Variants in COL4A6 observed in about 807,000 individuals in gnomAD.
COL4A6 encodes collagen type IV alpha 6 chain.
A neutral mutation model predicts 126.7 loss-of-function variants in COL4A6; 59 were observed. The observed-to-expected ratio is 0.47, with a 90% CI of 0.38 to 0.58. COL4A6 has a LOEUF of 0.58. COL4A6 is among the 20% of genes least tolerant of loss of function. COL4A6 has a pLI of 0.00. For missense variants in COL4A6, 1,285 were observed against 1,337.3 expected (o/e 0.96, Z 0.61); for synonymous variants, 547 against 496.6 (o/e 1.10, Z -1.35).
At chrX:108,275,238 C>T (rs1393531757) in intron 3 of COL4A6, among the ~76,000 whole-genome samples, 1 of 111,437 alleles carries the variant, frequency 9.0e-6, no homozygotes, top group Non-Finnish European at 1.9e-5. Flanking sequence ...AAGGAAGAAC[C>T]TTCTATTGCT....
chrX:108,285,803 T>C (rs2037989811), intron 3 of COL4A6, among the ~76,000 whole-genome samples: 1 of 111,908 alleles, frequency 8.9e-6, no homozygotes, highest in Admixed American at 9.5e-5. Flanking sequence ...TGAAAAGCTG[T>C]TAAAAAGGAC....
chrX:108,187,031 G>T, intron 23 of COL4A6, 65 bp downstream of exon 23: 1 of 922,785 alleles, frequency 1.1e-6, no homozygotes, highest in Non-Finnish European at 1.4e-6. Flanking sequence ...TCATGCACCT[G>T]AGTCATAACC....
Position 108,312,929 on chromosome X carries a change from G to GA in COL4A6, c.64-2102dup, listed in dbSNP as rs376518602. ...AAGCAAGGGAACTGGATAAGACAGG[G>GA]AAAAAAAAAACAATAGCAGGAGCTG... On this transcript the variant is annotated intron_variant, in intron 2 of 44. Transcript: ENST00000334504. Among the ~76,000 whole-genome samples the GA allele has an allele frequency of 2.9e-3, 311 of 105,669 alleles. 1 individual carries two copies. Among genetic ancestry groups the GA allele is most frequent in the African/African-American group, 9.0e-3 (262 of 29,211 alleles). 91.8% of individuals were successfully genotyped at this position (105,669 alleles called of 115,157 possible).
At chrX:108,250,417 CA>C (rs2036822896) in intron 3 of COL4A6, among the ~76,000 whole-genome samples, 1 of 110,840 alleles carries the variant, frequency 9.0e-6, no homozygotes, top group Non-Finnish European at 1.9e-5. Flanking sequence ...TCCTCTTGGC[CA>C]AAGTCTATGA....
intron 13 of COL4A6, 114 bp downstream of exon 13, chrX:108,202,813 AT>A (rs906834511): frequency 1.7e-6 from 1 of 585,258 alleles, no homozygotes; most frequent in African/African-American, 2.3e-5. Flanking sequence ...AATAATAAAG[AT>A]GGTGGCATTC....
At chrX:108,428,143 C>G (rs1351251189) in intron 2 of COL4A6, among the ~76,000 whole-genome samples, 1 of 108,994 alleles carries the variant, frequency 9.2e-6, no homozygotes, top group Admixed American at 9.8e-5. Flanking sequence ...AAATAAAATA[C>G]AGTAATACTA....
At chrX:108,389,639 G>T (rs1239573197) in intron 2 of COL4A6, among the ~76,000 whole-genome samples, 1 of 110,590 alleles carries the variant, frequency 9.0e-6, no homozygotes, top group Non-Finnish European at 1.9e-5. Context: ...TGTGTGATGG[G>T]TCTCCTGAAT....
At chrX:108,363,353 A>G (rs1036702900) in intron 2 of COL4A6, among the ~76,000 whole-genome samples, 1 of 112,124 alleles carries the variant, frequency 8.9e-6, no homozygotes, top group Admixed American at 9.5e-5. Context: ...TCAAAAGTTG[A>G]GTCAGTAAAT....
chrX:108,245,654 G>A (rs2036700452), intron 3 of COL4A6, among the ~76,000 whole-genome samples: 1 of 111,447 alleles, frequency 9.0e-6, no homozygotes, highest in Non-Finnish European at 1.9e-5. Flanking sequence ...ATATGCAGGT[G>A]GCAGCAGTGA....
At chrX:108,368,860 C>T (rs746310307) in intron 2 of COL4A6, among the ~76,000 whole-genome samples, 8 of 111,291 alleles carry the variant, frequency 7.2e-5, no homozygotes, top group South Asian at 7.6e-4. Flanking sequence ...ACATCTCATC[C>T]TAGTGGGTGT....
chrX:108,156,827 A>G lies in COL4A6; in HGVS notation c.*173T>C, dbSNP rs1223842652. ...ATCTCAGCAGGGTGGGCTCATCTCT[A>G]TGGACCCGAGGGCTGGGGTGACGAG... On this transcript the variant is annotated 3_prime_UTR_variant, in exon 45 of 45. Coordinates refer to ENST00000334504, the MANE Select transcript of COL4A6 (RefSeq NM_033641.4). 41 of 502,471 alleles carry G rather than the reference A, an allele frequency of 8.2e-5. No homozygotes were observed. The highest frequency in any genetic ancestry group is 1.3e-4 in the Non-Finnish European group (37 of 291,287). The allele number at this position is 502,471 out of a possible 1,213,427, so 41.4% of individuals were successfully genotyped here. A position where few individuals can be genotyped will look rare whatever the true frequency, so the allele number is the denominator to read the frequency against.
chrX:108,262,659 T>C (rs1380640926), intron 3 of COL4A6, among the ~76,000 whole-genome samples: 2 of 111,566 alleles, frequency 1.8e-5, no homozygotes, highest in Admixed American at 9.5e-5. Context: ...ACACGACTAA[T>C]GTGAGGCAAA....
chrX:108,438,243 T>C lies in COL4A6; in HGVS notation c.-47A>G. On this transcript the variant is annotated 5_prime_UTR_variant, in exon 1 of 45. Coordinates refer to ENST00000334504, the MANE Select transcript of COL4A6 (RefSeq NM_033641.4). ...GGGTCCCGGGAGACTGCTAAGCGGC[T>C]CCGCGGCCCGTGCTCATCTGGGCTC... The C allele has an allele frequency of 8.6e-7, 1 of 1,163,704 alleles. No individual in the cohort carries two copies. The highest frequency in any genetic ancestry group is 1.1e-6 in the Non-Finnish European group (1 of 875,060).
chrX:108,341,583 C>T (rs1477723775), intron 2 of COL4A6, among the ~76,000 whole-genome samples: 1 of 110,908 alleles, frequency 9.0e-6, no homozygotes, highest in Non-Finnish European at 1.9e-5. Context: ...TTCCCCAGCC[C>T]CATGGAACTA....
intron 2 of COL4A6, among the ~76,000 whole-genome samples, chrX:108,389,397 C>T (rs940945478): frequency 3.6e-5 from 4 of 111,811 alleles, no homozygotes; most frequent in Admixed American, 1.9e-4. Context: ...AATCTGGATG[C>T]TCCCGTATTG....
At chrX:108,210,514 A>G (rs761997522) in intron 7 of COL4A6, among the ~76,000 whole-genome samples, 2 of 112,677 alleles carry the variant, frequency 1.8e-5, no homozygotes, top group Non-Finnish European at 3.8e-5. Context: ...TAATATAACC[A>G]TCTTGTGAAA....
chrX:108,402,296 A>C (rs2041105435), intron 2 of COL4A6, among the ~76,000 whole-genome samples: 1 of 111,825 alleles, frequency 8.9e-6, no homozygotes, highest in Non-Finnish European at 1.9e-5. Flanking sequence ...ATTTAATGGC[A>C]TAAAGTTGTT....
At chrX:108,195,147 C>A in intron 14 of COL4A6, 21 bp from the exon 15 acceptor site, 1 of 1,173,900 alleles carries the variant, frequency 8.5e-7, no homozygotes, top group South Asian at 1.9e-5. Context: ...AATAGTTACA[C>A]CTTAGAAACA....
chrX:108,169,345 C>T (rs2034225340), intron 37 of COL4A6, 150 bp downstream of exon 37: 1 of 733,081 alleles, frequency 1.4e-6, no homozygotes, highest in East Asian at 3.5e-5. Flanking sequence ...CTCTCTTTCT[C>T]AGCAGTCATT....
Sources: allele counts gnomAD v4.1 joint callset (sites outside exome capture counted in the v4.1 genomes callset), GRCh38; gene constraint gnomAD v4.1.1; transcripts MANE v1.5; gene names NCBI Gene and HGNC (gene_info 2026-07-23, HGNC 2026-07-21).